The following RIMBP2 variants were observed in gnomAD, a reference collection of about 807,000 sequenced individuals.
RIMBP2 encodes the protein RIMS-binding protein 2.
A neutral mutation model predicts 118.6 loss-of-function variants in RIMBP2; 48 were observed. The observed-to-expected ratio is 0.40, with a 90% CI of 0.32 to 0.51. The LOEUF (loss-of-function observed/expected upper bound fraction) is 0.51. Among genes scored for constraint, RIMBP2 ranks in the 20% least tolerant of loss-of-function variants. The pLI is 0.41. For synonymous variants in RIMBP2, 762 were observed against 742.9 expected (o/e 1.03, Z -0.42); for missense variants, 1,551 against 1,768.3 (o/e 0.88, Z 2.20).
At chr12:130,407,864 T>C (rs777616885) in intron 19 of RIMBP2, 35 bp from the exon 20 acceptor site, 5 of 1,581,408 alleles carry the variant, frequency 3.2e-6, no homozygotes, top group Non-Finnish European at 4.3e-6. Flanking sequence ...AAATCCATCA[T>C]GAGGTTATTT....
intron 1 of RIMBP2, among the ~76,000 whole-genome samples, chr12:130,640,838 C>T (rs1158929421): frequency 1.3e-5 from 2 of 152,182 alleles, no homozygotes; most frequent in Non-Finnish European, 2.9e-5. Flanking sequence ...GGCAGCTGCT[C>T]TGGGCCACCA....
At chr12:130,660,260 CCT>C in intron 1 of RIMBP2, 1 of 151,904 alleles carries the variant, frequency 6.6e-6, no homozygotes, top group Middle Eastern at 3.4e-3. Context: ...ACAGGTGGCT[CCT>C]GTGTCTACGA....
chr12:130,542,670 G>C (rs2054721871), intron 2 of RIMBP2, among the ~76,000 whole-genome samples: 1 of 152,170 alleles, frequency 6.6e-6, no homozygotes, highest in Non-Finnish European at 1.5e-5. Context: ...AGAACACAGA[G>C]GCCAGCAGCC....
intron 2 of RIMBP2, among the ~76,000 whole-genome samples, chr12:130,591,133 G>C (rs2059229985): frequency 6.6e-6 from 1 of 152,334 alleles, no homozygotes; most frequent in South Asian, 2.1e-4. Flanking sequence ...TATGGAACCA[G>C]AAACTGACTT....
chr12:130,438,336 C>CCG, intron 12 of RIMBP2, 29 bp downstream of exon 12: 1 of 844,142 alleles, frequency 1.2e-6, no homozygotes, highest in Non-Finnish European at 2.0e-6. Flanking sequence ...GCCTAACAAA[C>CCG]CCTCCCCACC....
chr12:130,645,923 T>A (rs1594134318), intron 1 of RIMBP2, among the ~76,000 whole-genome samples: 1 of 152,282 alleles, frequency 6.6e-6, no homozygotes, highest in East Asian at 1.9e-4. Flanking sequence ...TTTCAGTTAC[T>A]AAGTCACTGA....
Position 130,535,885 on chromosome 12 carries a change from C to A in RIMBP2, c.-216-17968G>T, listed in dbSNP as rs990342729. Among the ~76,000 whole-genome samples, 13 of 151,678 alleles carry A rather than the reference C, an allele frequency of 8.6e-5. No homozygotes were observed. In the East Asian group the frequency reaches 2.1e-3, roughly 25 times the overall value. On this transcript the variant is annotated intron_variant, in intron 2 of 22. Transcript: ENST00000690449. ...CCTCAACCTCCTGGGCTCAGGTGAT[C>A]CTCCTGTCTCAGGCCCTCCAAGTAG...
rs11061015 is a variant in RIMBP2, at chr12:130,599,231, C to T, written c.-217+29091G>A. ...TAAACAACTTTTTTTAGATCTGACA[C>T]CAAAGTACATTCTGTCAGAACAAAC... On this transcript the variant is annotated intron_variant, in intron 2 of 22. Transcript: ENST00000690449. Among the ~76,000 whole-genome samples the T allele has an allele frequency of 2.0e-3, 300 of 152,226 alleles. 3 individuals are homozygous for T. The highest frequency in any genetic ancestry group is 7.0e-3 in the African/African-American group (291 of 41,540).
intron 1 of RIMBP2, among the ~76,000 whole-genome samples, chr12:130,674,828 G>C (rs1251026785): frequency 6.6e-6 from 1 of 152,078 alleles, no homozygotes; most frequent in Non-Finnish European, 1.5e-5. Context: ...GGGTTCGCCT[G>C]CTCGGGACGG....
intron 10 of RIMBP2, 139 bp downstream of exon 10, chr12:130,445,021 T>G: frequency 1.8e-6 from 1 of 553,976 alleles, no homozygotes; most frequent in Non-Finnish European, 3.2e-6. Flanking sequence ...AACTACGGAG[T>G]GGGGAAGGGT....
chr12:130,686,118 A>C (rs1459737411), intron 1 of RIMBP2, among the ~76,000 whole-genome samples: 1 of 151,732 alleles, frequency 6.6e-6, no homozygotes, highest in Non-Finnish European at 1.5e-5. Context: ...TAAAGGGAAA[A>C]CCCAGGCTGC....
At chr12:130,467,687 G>T (rs76064799) in intron 6 of RIMBP2, among the ~76,000 whole-genome samples, 1 of 152,262 alleles carries the variant, frequency 6.6e-6, no homozygotes. Context: ...CCCACTAGGC[G>T]GTTACACTAT....
chr12:130,442,588 C>T lies in RIMBP2; in HGVS notation c.764G>A (p.Arg255Gln), dbSNP rs780821811. The change falls in exon 11 of 23, where the codon CGG (arginine) becomes CAG (glutamine). Residue 255 changes from arginine to glutamine, a missense_variant. By Grantham distance (43) the Arg-to-Gln change is conservative. Transcript: ENST00000690449. The surrounding 1 kb of genome is among the most constrained non-coding windows in gnomAD (Gnocchi z 6.9). ...CTCGTTCCCCAGCGTGCTTGCCAAC[C>T]GCGACTCGTTGTCCTGCACAAAGTC... is the stretch of plus-strand genomic sequence containing the variant. ...FVDFVQDNES[R>Q]LASTLGNEQD... 4.8e-5 allele frequency: 77 copies of T among 1,614,088 alleles called. No individual in the cohort carries two copies. Among genetic ancestry groups the T allele is most frequent in the South Asian group, 7.7e-5 (7 of 91,090 alleles).
At chr12:130,520,138 T>C (rs2051924550) in intron 2 of RIMBP2, among the ~76,000 whole-genome samples, 1 of 152,188 alleles carries the variant, frequency 6.6e-6, no homozygotes, top group African/African-American at 2.4e-5. Context: ...TTTCTGGTGG[T>C]TATAGAAATG....
intron 3 of RIMBP2, among the ~76,000 whole-genome samples, chr12:130,512,287 T>G (rs1287768964): frequency 6.6e-6 from 1 of 151,412 alleles, no homozygotes; most frequent in Non-Finnish European, 1.5e-5. Context: ...GGTGCTGGGA[T>G]CCCCGCTGCA....
chr12:130,619,753 G>A (rs889810114), intron 2 of RIMBP2, among the ~76,000 whole-genome samples: 3 of 152,098 alleles, frequency 2.0e-5, no homozygotes, highest in South Asian at 2.1e-4. Flanking sequence ...CTCCTAATCC[G>A]AAGCCCTTTT....
chr12:130,606,843 CT>C (rs916319752), intron 2 of RIMBP2, among the ~76,000 whole-genome samples: 2 of 152,110 alleles, frequency 1.3e-5, no homozygotes, highest in African/African-American at 4.8e-5. Context: ...AGTTCCAATT[CT>C]TTTTTAAGAT....
intron 4 of RIMBP2, among the ~76,000 whole-genome samples, chr12:130,492,777 C>CA (rs1363182743): frequency 2.0e-5 from 3 of 152,194 alleles, no homozygotes; most frequent in Non-Finnish European, 4.4e-5. Flanking sequence ...TGAATGGCAA[C>CA]AAAAAATACC....
chr12:130,575,414 T>C (rs2140118111), intron 2 of RIMBP2, among the ~76,000 whole-genome samples: 1 of 152,032 alleles, frequency 6.6e-6, no homozygotes, highest in African/African-American at 2.4e-5. Context: ...AGGAATAGAA[T>C]TCTTCCCCTC....
Sources: allele counts gnomAD v4.1 joint callset (sites outside exome capture counted in the v4.1 genomes callset), GRCh38; gene constraint gnomAD v4.1.1; non-coding constraint Gnocchi (gnomAD v3.1); transcripts MANE v1.5; gene names NCBI Gene and HGNC (gene_info 2026-07-23, HGNC 2026-07-21).